The following PTPRD variants were observed in gnomAD, a reference collection of about 807,000 sequenced individuals.
PTPRD encodes the protein receptor-type tyrosine-protein phosphatase delta.
In PTPRD, 34 loss-of-function variants were observed where a neutral mutation model predicts 214.5. The observed-to-expected ratio is 0.16, with a 90% confidence interval of 0.12 to 0.21. The LOEUF (loss-of-function observed/expected upper bound fraction) is 0.21, where lower values mean the gene tolerates loss of function less well. Ranked by LOEUF, PTPRD falls within the 10% of genes least tolerant of loss-of-function variation. The pLI, the probability that PTPRD is intolerant of heterozygous loss-of-function variation, is 1.00. For missense variants in PTPRD, 2,545 were observed against 2,398.7 expected (o/e 1.06, Z -1.27); for synonymous variants, 1,128 against 845.7 (o/e 1.33, Z -5.79).
chr9:9,262,745 T>C (rs778764391), intron 9 of PTPRD, among the ~76,000 whole-genome samples: 40 of 151,684 alleles, frequency 2.6e-4, no homozygotes, highest in Non-Finnish European at 4.6e-4. Context: ...TTTAATGCCA[T>C]GTTTCTTATT....
At chr9:8,362,785 G>C (rs1196772533) in intron 39 of PTPRD, among the ~76,000 whole-genome samples, 1 of 152,184 alleles carries the variant, frequency 6.6e-6, no homozygotes, top group Non-Finnish European at 1.5e-5. Flanking sequence ...CCTTTCTACA[G>C]AGCTATAACT....
chr9:8,609,960 G>C (rs79724143), intron 14 of PTPRD, among the ~76,000 whole-genome samples: 1 of 152,032 alleles, frequency 6.6e-6, no homozygotes, highest in African/African-American at 2.4e-5. Context: ...TTCTGATTAC[G>C]AGCTGAGCTA....
Position 9,339,682 on chromosome 9 carries a change from G to C in PTPRD, c.-203+57767C>G, listed in dbSNP as rs139232742. On this transcript the variant is annotated intron_variant, in intron 9 of 45. Coordinates refer to ENST00000381196, the MANE Select transcript of PTPRD (RefSeq NM_002839.4). Reference sequence around the variant, plus strand: ...CAACTTAATTACCAAGAAACACTTAGAATAGCTACTGAATATTTGCTTACG... The same window carrying C: ...CAACTTAATTACCAAGAAACACTTACAATAGCTACTGAATATTTGCTTACG... Among the ~76,000 whole-genome samples, 175 of 152,216 alleles carry C rather than the reference G, an allele frequency of 1.1e-3. 3 individuals carry two copies. The Middle Eastern group carries it at 0.021, about 18-fold the overall frequency.
At chr9:9,018,881 T>A (rs1330218647) in intron 10 of PTPRD, 146 bp from the exon 11 acceptor site, 1 of 152,198 alleles carries the variant, frequency 6.6e-6, no homozygotes, top group African/African-American at 2.4e-5. Flanking sequence ...TATTTTGGCA[T>A]TTCCTTTCAC....
At chr9:9,331,635 G>A (rs1412005485) in intron 9 of PTPRD, among the ~76,000 whole-genome samples, 2 of 152,032 alleles carry the variant, frequency 1.3e-5, no homozygotes, top group Non-Finnish European at 2.9e-5. Flanking sequence ...GTCTTGCTAA[G>A]ATTCTCAGAG....
At chr9:8,870,687 A>ACACACACACAC (rs2098279920) in intron 11 of PTPRD, among the ~76,000 whole-genome samples, 2 of 131,372 alleles carry the variant, frequency 1.5e-5, no homozygotes, top group East Asian at 2.5e-4. Context: ...ACAGACATGA[A>ACACACACACAC]ACACACACAC....
intron 4 of PTPRD, among the ~76,000 whole-genome samples, chr9:9,990,849 G>T (rs1028098292): frequency 1.3e-5 from 2 of 152,034 alleles, no homozygotes; most frequent in African/African-American, 4.8e-5. Flanking sequence ...CTCTATGAGG[G>T]TCCTCAAGAG....
chr9:10,360,169 AG>A (rs1485250374), intron 2 of PTPRD, among the ~76,000 whole-genome samples: 1 of 152,220 alleles, frequency 6.6e-6, no homozygotes, highest in African/African-American at 2.4e-5. Flanking sequence ...ATAAAACTAG[AG>A]GCTGGAAATT....
At chr9:8,970,451 T>C (rs1015070392) in intron 11 of PTPRD, among the ~76,000 whole-genome samples, 2 of 151,860 alleles carry the variant, frequency 1.3e-5, no homozygotes, top group Non-Finnish European at 2.9e-5. Context: ...CAAAAGATTA[T>C]AAAAAGTCAA....
chr9:9,792,326 C>T (rs12684906), intron 5 of PTPRD, among the ~76,000 whole-genome samples: 13,619 of 152,164 alleles, frequency 0.09, 864 homozygotes, highest in East Asian at 0.22. Context: ...ACTCTGCCAG[C>T]ACCTATAGTG....
intron 8 of PTPRD, among the ~76,000 whole-genome samples, chr9:9,544,677 C>A (rs1317789133): frequency 1.3e-5 from 2 of 151,590 alleles, no homozygotes; most frequent in African/African-American, 4.8e-5. Context: ...GTCATACAGC[C>A]ATTTTTCTAG....
chr9:8,796,831 T>C (rs1024521035), intron 11 of PTPRD, among the ~76,000 whole-genome samples: 2 of 152,166 alleles, frequency 1.3e-5, no homozygotes, highest in Admixed American at 6.6e-5. Flanking sequence ...AACACTTTCA[T>C]TGGTAAACTC....
At chr9:9,936,519 AAT>A (rs1328631061) in intron 5 of PTPRD, among the ~76,000 whole-genome samples, 2 of 147,774 alleles carry the variant, frequency 1.4e-5, no homozygotes, top group Non-Finnish European at 3.0e-5. Context: ...TCAAAACCAC[AAT>A]GAGATACAAT....
intron 9 of PTPRD, among the ~76,000 whole-genome samples, chr9:9,323,497 G>A (rs978256366): frequency 2.0e-5 from 3 of 152,102 alleles, no homozygotes; most frequent in African/African-American, 7.2e-5. Flanking sequence ...TCCACATTCA[G>A]TGCTTCCATT....
intron 3 of PTPRD, among the ~76,000 whole-genome samples, chr9:10,062,254 A>G (rs1269328153): frequency 6.6e-6 from 1 of 152,090 alleles, no homozygotes. Flanking sequence ...CAGCGTGATA[A>G]GTAATTGTAT....
At chr9:9,079,672 CAT>C (rs2099756290) in intron 10 of PTPRD, among the ~76,000 whole-genome samples, 1 of 152,070 alleles carries the variant, frequency 6.6e-6, no homozygotes. Flanking sequence ...TGGGAGGTGA[CAT>C]AACCTTTGGC....
intron 2 of PTPRD, among the ~76,000 whole-genome samples, chr9:10,538,864 A>T (rs1398144014): frequency 3.3e-5 from 5 of 152,166 alleles, no homozygotes; most frequent in Non-Finnish European, 4.4e-5. Flanking sequence ...AGTATCATGG[A>T]ATTTTTTAAA....
intron 39 of PTPRD, among the ~76,000 whole-genome samples, chr9:8,350,982 G>A (rs2075285758): frequency 6.6e-6 from 1 of 151,844 alleles, no homozygotes; most frequent in South Asian, 2.1e-4. Context: ...TAGCACGGAG[G>A]TCTATCTACA....
intron 10 of PTPRD, among the ~76,000 whole-genome samples, chr9:9,077,936 T>C (rs1426740273): frequency 6.6e-6 from 1 of 152,110 alleles, no homozygotes; most frequent in Non-Finnish European, 1.5e-5. Context: ...ATTGAGCATT[T>C]ATCTACCTGA....
Sources: gnomAD v4.1 joint callset for allele counts (sites outside exome capture counted in the v4.1 genomes callset) on GRCh38, gnomAD v4.1.1 for gene constraint, MANE v1.5 for transcripts, NCBI Gene and HGNC (gene_info 2026-07-23, HGNC 2026-07-21) for gene names.